Variants in NRCAM observed in about 807,000 individuals in gnomAD.
NRCAM encodes neuronal cell adhesion molecule.
Under a neutral mutation model 156.5 loss-of-function variants are expected in NRCAM, and 83 were observed. The observed-to-expected ratio is 0.53, with a 90% confidence interval of 0.44 to 0.64. The LOEUF is 0.64. Among genes scored for constraint, NRCAM ranks in the 30% least tolerant of loss-of-function variants. NRCAM has a pLI of 0.00. For missense variants in NRCAM, 1,417 were observed against 1,597.3 expected (o/e 0.89, Z 1.92); for synonymous variants, 538 against 563.9 (o/e 0.95, Z 0.65).
intron 11 of NRCAM, among the ~76,000 whole-genome samples, chr7:108,221,002 G>GA (rs1276840336): frequency 4.0e-5 from 6 of 151,802 alleles, no homozygotes; most frequent in African/African-American, 1.5e-4. Flanking sequence ...AAATCAGCAA[G>GA]AAAAAAACAG....
chr7:108,213,844 T>C (rs1308790022), intron 11 of NRCAM, among the ~76,000 whole-genome samples: 2 of 152,214 alleles, frequency 1.3e-5, no homozygotes, highest in African/African-American at 4.8e-5. Context: ...TCTGCATCTA[T>C]TAAGATGATC....
chr7:108,191,872 C>T lies in NRCAM; in HGVS notation c.1779-19G>A, dbSNP rs758923429. The T allele has an allele frequency of 6.2e-7, 1 of 1,609,334 alleles. No homozygotes were observed. The highest frequency in any genetic ancestry group is 1.1e-5 in the South Asian group (1 of 90,798). ...AGTGAACCTGTGGATAGAATGCATT[C>T]AGAGCAGCTGAAATGGACATGCAGC... On this transcript the variant is annotated intron_variant, in intron 17 of 32. Transcript: ENST00000379028.
At chr7:108,288,232 C>G (rs531265773) in intron 3 of NRCAM, among the ~76,000 whole-genome samples, 1 of 152,026 alleles carries the variant, frequency 6.6e-6, no homozygotes, top group African/African-American at 2.4e-5. Flanking sequence ...ATTGAAGACT[C>G]CAAGAGGTGG....
At chr7:108,416,131 C>T (rs1801260174) in intron 1 of NRCAM, among the ~76,000 whole-genome samples, 1 of 152,160 alleles carries the variant, frequency 6.6e-6, no homozygotes, top group Admixed American at 6.5e-5. Flanking sequence ...CTGATGTGAG[C>T]CCATCCCTCC....
At chr7:108,435,548 G>A (rs1831000069) in intron 1 of NRCAM, among the ~76,000 whole-genome samples, 1 of 152,072 alleles carries the variant, frequency 6.6e-6, no homozygotes, top group East Asian at 1.9e-4. Context: ...CTAATATACA[G>A]ATCTAAGAAG....
chr7:108,206,242 A>G (rs1237937813), intron 13 of NRCAM, among the ~76,000 whole-genome samples: 1 of 152,256 alleles, frequency 6.6e-6, no homozygotes, highest in African/African-American at 2.4e-5. Flanking sequence ...TAAGAAACAG[A>G]GACTTGTGCC....
At chr7:108,427,711 G>A (rs1408828113) in intron 1 of NRCAM, among the ~76,000 whole-genome samples, 5 of 152,162 alleles carry the variant, frequency 3.3e-5, no homozygotes, top group Non-Finnish European at 7.4e-5. Flanking sequence ...TCAAAAGCAA[G>A]AGATAACCAT....
Position 108,345,392 on chromosome 7 carries a change from C to T in NRCAM, c.-173-32661G>A, listed in dbSNP as rs562498935. 3.9e-5 allele frequency among the ~76,000 whole-genome samples: 6 copies of T among 152,218 alleles called. No homozygotes were observed. The South Asian group carries it at 1.0e-3, about 26-fold the overall frequency. On this transcript the variant is annotated intron_variant, in intron 2 of 32. Coordinates refer to ENST00000379028, the MANE Select transcript of NRCAM (RefSeq NM_001037132.4). ...AGGAAAACCTATCTAAATATTAAAG[C>T]GGTTCAAAAATGGCAGGCATATCAT...
chr7:108,199,143 GTTCT>G (rs1388652618), intron 13 of NRCAM, among the ~76,000 whole-genome samples: 2 of 152,088 alleles, frequency 1.3e-5, no homozygotes, highest in African/African-American at 2.4e-5. Context: ...AAGACTTTAT[GTTCT>G]TTCTAAGCAC....
intron 30 of NRCAM, among the ~76,000 whole-genome samples, chr7:108,161,520 C>A (rs771589412): frequency 5.3e-5 from 8 of 152,120 alleles, no homozygotes; most frequent in Non-Finnish European, 1.5e-5. Flanking sequence ...TCTCTTTTGA[C>A]CATAATCAAG....
chr7:108,379,647 C>G (rs1310794149), intron 2 of NRCAM, among the ~76,000 whole-genome samples: 4 of 151,034 alleles, frequency 2.6e-5, no homozygotes, highest in African/African-American at 4.9e-5. Flanking sequence ...TTTTTAATCA[C>G]AAAGGATAAG....
At position 108,182,760 on chromosome 7, in the gene NRCAM, T is replaced by C. The variant is rs2064231686; in HGVS notation, c.2465A>G (p.Gln822Arg). ...GGCAAACCCCATGTCATTCAGGGCC[T>C]GAACTTTGATCAGGTATGGAACAAA... Reference protein sequence around the residue: ...PTFVPYLIKVQALNDMGFAPE... With the variant: ...PTFVPYLIKVRALNDMGFAPE... The change falls in exon 23 of 33, where the codon CAG becomes CGG. Residue 822 changes from glutamine to arginine, a missense_variant. Gln to Arg is a conservative substitution (Grantham distance 43, BLOSUM62 1). Around this residue, in one of 2 missense-constraint regions of NRCAM, gnomAD observed 1,238 missense variants for 1,336.4 expected, o/e 0.93. Coordinates refer to ENST00000379028, the MANE Select transcript of NRCAM (RefSeq NM_001037132.4). 1 of 1,614,264 alleles carries C rather than the reference T, an allele frequency of 6.2e-7. No homozygotes were observed. The highest frequency in any genetic ancestry group is 8.5e-7 in the Non-Finnish European group (1 of 1,180,046).
intron 1 of NRCAM, among the ~76,000 whole-genome samples, chr7:108,408,373 G>A (rs1791122747): frequency 6.6e-6 from 1 of 152,200 alleles, no homozygotes; most frequent in Non-Finnish European, 1.5e-5. Context: ...AAATGAACCT[G>A]TTGTGGCCCT....
At chr7:108,441,591 G>A (rs561203338) in intron 1 of NRCAM, among the ~76,000 whole-genome samples, 1 of 152,336 alleles carries the variant, frequency 6.6e-6, no homozygotes, top group South Asian at 2.1e-4. Context: ...ACACAGTAAT[G>A]TGCAGGAATT....
intron 3 of NRCAM, among the ~76,000 whole-genome samples, chr7:108,259,779 T>A (rs1183979432): frequency 6.6e-6 from 1 of 152,002 alleles, no homozygotes; most frequent in Non-Finnish European, 1.5e-5. Context: ...CACTTATAAG[T>A]GGGAGCTGAA....
At chr7:108,349,413 C>T (rs1389568555) in intron 2 of NRCAM, among the ~76,000 whole-genome samples, 10 of 151,846 alleles carry the variant, frequency 6.6e-5, no homozygotes, top group African/African-American at 1.7e-4. Flanking sequence ...GGACTACAGG[C>T]GCCTGCCACC....
At chr7:108,376,715 T>C (rs1444678250) in intron 2 of NRCAM, among the ~76,000 whole-genome samples, 1 of 152,168 alleles carries the variant, frequency 6.6e-6, no homozygotes, top group African/African-American at 2.4e-5. Context: ...ATGGGAAAAC[T>C]GGGGAAAAGA....
chr7:108,393,728 C>T (rs915747840), intron 2 of NRCAM, among the ~76,000 whole-genome samples: 3 of 152,132 alleles, frequency 2.0e-5, no homozygotes, highest in South Asian at 4.2e-4. Flanking sequence ...TTGGAACCCT[C>T]CCCCGTTTAA....
At chr7:108,230,498 A>G (rs2094176244) in intron 8 of NRCAM, among the ~76,000 whole-genome samples, 1 of 152,114 alleles carries the variant, frequency 6.6e-6, no homozygotes, top group Non-Finnish European at 1.5e-5. Context: ...GCTAAAGCCA[A>G]AGTCCTTTCC....
Sources: gnomAD v4.1 joint callset for allele counts (sites outside exome capture counted in the v4.1 genomes callset) on GRCh38, gnomAD v4.1.1 for gene constraint, gnomAD v4.1.1 regional missense constraint, MANE v1.5 for transcripts, NCBI Gene and HGNC (gene_info 2026-07-23, HGNC 2026-07-21) for gene names.